Variants in HTT observed in about 807,000 individuals in gnomAD.
HTT encodes the protein huntingtin, also known as huntington disease protein.
Under a neutral mutation model 362.3 loss-of-function variants are expected in HTT, and 104 were observed. That is an observed-to-expected ratio of 0.29 (90% CI 0.24 to 0.34). The LOEUF is 0.34. Ranked by LOEUF, HTT falls within the 10% of genes least tolerant of loss-of-function variation. The probability of loss-of-function intolerance (pLI) is 1.00; values close to 1 mark genes in which losing one functional copy is unlikely to be tolerated. For missense variants in HTT, 3,301 were observed against 3,928.6 expected (o/e 0.84, Z 4.27); for synonymous variants, 1,577 against 1,548.7 (o/e 1.02, Z -0.43).
At chr4:3,128,424 G>C (rs1191209775) in intron 12 of HTT, 1 of 152,110 alleles carries the variant, frequency 6.6e-6, no homozygotes, top group Non-Finnish European at 1.5e-5. Flanking sequence ...TAAAAAATTG[G>C]AATAGTTGAT....
At chr4:3,184,448 G>A (rs1718666293) in intron 37 of HTT, among the ~76,000 whole-genome samples, 1 of 152,134 alleles carries the variant, frequency 6.6e-6, no homozygotes, top group Admixed American at 6.5e-5. Flanking sequence ...GAATAGCCTT[G>A]AGGGGGAGGT....
intron 61 of HTT, among the ~76,000 whole-genome samples, chr4:3,234,299 G>C (rs1024353777): frequency 2.6e-5 from 4 of 152,262 alleles, no homozygotes; most frequent in African/African-American, 4.8e-5. Context: ...CCAGGCCAGA[G>C]TGTCACAAGC....
At chr4:3,231,709 G>A (rs1283399311) in intron 60 of HTT, among the ~76,000 whole-genome samples, 5 of 152,110 alleles carry the variant, frequency 3.3e-5, no homozygotes, top group South Asian at 2.1e-4. Context: ...TCTTCACGGC[G>A]AACACCCTCT....
chr4:3,120,542 G>A, intron 8 of HTT, among the ~76,000 whole-genome samples: 1 of 152,226 alleles, frequency 6.6e-6, no homozygotes, highest in East Asian at 1.9e-4. Context: ...TGAGCAGCAG[G>A]TGAGCTGGCA....
In HTT at chr4:3,145,214, A is replaced by C; in HGVS notation, c.3129A>C (p.Leu1043Phe). 6.2e-7 allele frequency: 1 copy of C among 1,611,608 alleles called. No individual in the cohort carries two copies. The highest frequency in any genetic ancestry group is 8.5e-7 in the Non-Finnish European group (1 of 1,177,742). ...CCTTCCCAGTTTGCATTTGGAGTTT[A>C]GGTTGGCACTGTGGGTATGTATTTT... ...STAFPVCIWS[L>F]GWHCGVPPLS... The change falls in exon 24 of 67, where the codon TTA becomes TTC. Residue 1043 changes from leucine to phenylalanine, a missense_variant. Leu to Phe is a conservative substitution (Grantham distance 22). Transcript: ENST00000355072.
chr4:3,096,259 C>T (rs1271611729), intron 2 of HTT, among the ~76,000 whole-genome samples: 4 of 152,182 alleles, frequency 2.6e-5, no homozygotes, highest in African/African-American at 9.7e-5. Flanking sequence ...CAAGTAGAAA[C>T]AGACAAATCC....
Position 3,154,326 on chromosome 4 carries a change from C to T in HTT, c.3532C>T (p.Leu1178=). 1 of 1,608,426 alleles carries T rather than the reference C, an allele frequency of 6.2e-7. No homozygotes were observed. Among genetic ancestry groups the T allele is most frequent in the Non-Finnish European group, 8.5e-7 (1 of 1,177,054 alleles). Residue 1178 remains leucine (L), a synonymous_variant, in exon 27 of 67, where the codon CTA becomes TTA. Transcript: ENST00000355072. ...GCCTTCTCTAACAAACCCCCCTTCTCTAAGTCCCATCCGACGAAAGGGGAA... is the reference window on the plus strand; with the variant it reads ...GCCTTCTCTAACAAACCCCCCTTCTTTAAGTCCCATCCGACGAAAGGGGAA... ...ALPSLTNPPS[L]SPIRRKGKEK... is the part of the protein sequence containing the mutation.
intron 6 of HTT, among the ~76,000 whole-genome samples, chr4:3,112,716 T>C (rs553602084): frequency 6.6e-6 from 1 of 152,234 alleles, no homozygotes; most frequent in African/African-American, 2.4e-5. Flanking sequence ...TGACCACTCT[T>C]AGGTGTGTCT....
chr4:3,150,762 C>T (rs1328607229), intron 26 of HTT, among the ~76,000 whole-genome samples: 9 of 152,172 alleles, frequency 5.9e-5, no homozygotes, highest in African/African-American at 1.4e-4. Context: ...GCAGGCCGTG[C>T]GTGGTGGCTC....
intron 33 of HTT, among the ~76,000 whole-genome samples, chr4:3,175,555 G>C (rs1718198971): frequency 6.6e-6 from 1 of 152,162 alleles, no homozygotes; most frequent in South Asian, 2.1e-4. Context: ...AAAAGGAATG[G>C]AATTTAGCAG....
In HTT at chr4:3,113,019, C is replaced by A. The variant is rs115382258; in HGVS notation, c.748-2285C>A. 8.0e-5 allele frequency: 78 copies of A among 977,332 alleles called. 1 individual carries two copies. The African/African-American group carries it at 1.3e-3, about 16-fold the overall frequency. The allele number at this position is 977,332 out of a possible 1,614,324, so 60.5% of individuals were successfully genotyped here. A position where few individuals can be genotyped will look rare whatever the true frequency, so the allele number is the denominator to read the frequency against. ...CCCTTGGCTCTGAAGTTTAATGATT[C>A]ATGCATCTCTTCCCTTTTGAAGTAC... On this transcript the variant is annotated intron_variant, in intron 6 of 66. Coordinates refer to ENST00000355072, the MANE Select transcript of HTT (RefSeq NM_001388492.1).
chr4:3,095,732 T>C (rs1042406108), intron 2 of HTT, among the ~76,000 whole-genome samples: 1 of 152,146 alleles, frequency 6.6e-6, no homozygotes, highest in Non-Finnish European at 1.5e-5. Context: ...AGATACATAG[T>C]ATAAACAATT....
rs1315596079 is a variant in HTT, at chr4:3,233,255, C to T, written c.8358C>T (p.Val2786=). 6.2e-7 allele frequency: 1 copy of T among 1,611,378 alleles called. No individual in the cohort carries two copies. Residue 2786 remains valine, a synonymous_variant, in exon 61 of 67, where the codon GTC becomes GTT. Transcript: ENST00000355072. ...GCAGGGTTGGAGCCCTGCACGGCGT[C>T]CTCTATGTGCTGGAGTGCGACCTGC... The part of the protein sequence containing the change: ...LPSRVGALHG[V]LYVLECDLLD...
At chr4:3,236,339 C>A in intron 64 of HTT, 85 bp downstream of exon 64, 1 of 935,710 alleles carries the variant, frequency 1.1e-6, no homozygotes, top group Non-Finnish European at 1.8e-6. Context: ...TCTGCTGATC[C>A]CCTGGCGCTG....
chr4:3,156,980 A>T, intron 27 of HTT, 92 bp from the exon 28 acceptor site: 3 of 1,036,708 alleles, frequency 2.9e-6, no homozygotes, highest in Non-Finnish European at 1.4e-6. Flanking sequence ...ATACTAGAAT[A>T]CTTTAAAAAA....
intron 8 of HTT, among the ~76,000 whole-genome samples, chr4:3,117,542 A>G (rs940436250): frequency 6.6e-6 from 1 of 152,072 alleles, no homozygotes; most frequent in Non-Finnish European, 1.5e-5. Flanking sequence ...TTAAAACTTT[A>G]TTTTTAAAAT....
intron 28 of HTT, among the ~76,000 whole-genome samples, chr4:3,158,400 G>GAA (rs1717267082): frequency 6.6e-6 from 1 of 152,170 alleles, no homozygotes; most frequent in African/African-American, 2.4e-5. Flanking sequence ...GTGAACAATA[G>GAA]AATCAACTTC....
chr4:3,136,978 G>A (rs1716101655), intron 21 of HTT, among the ~76,000 whole-genome samples: 1 of 151,388 alleles, frequency 6.6e-6, no homozygotes, highest in Non-Finnish European at 1.5e-5. Context: ...TGCTATCTCG[G>A]CTCACTGCAA....
intron 40 of HTT, among the ~76,000 whole-genome samples, chr4:3,191,736 T>C (rs933531756): frequency 2.6e-5 from 4 of 152,216 alleles, no homozygotes; most frequent in Admixed American, 2.0e-4. Flanking sequence ...GGTCTCCAAA[T>C]AGAACTAAAC....
Sources: allele counts gnomAD v4.1 joint callset (sites outside exome capture counted in the v4.1 genomes callset), GRCh38; gene constraint gnomAD v4.1.1; transcripts MANE v1.5; gene names NCBI Gene and HGNC (gene_info 2026-07-23, HGNC 2026-07-21).